The following CRADD variants were observed in gnomAD, a reference collection of about 807,000 sequenced individuals.
CRADD encodes the protein CARD and death domain containing adaptor protein.
CRADD carries 9 observed loss-of-function variants against 15.5 expected under a neutral mutation model. The ratio of observed to expected loss-of-function variants is 0.58; its 90% confidence interval spans 0.35 to 1.01. CRADD has a LOEUF of 1.01. CRADD is among the 50% of genes least tolerant of loss of function. The pLI is 0.02. For missense variants in CRADD, 227 were observed against 250.3 expected (o/e 0.91, Z 0.63); for synonymous variants, 118 against 107.6 (o/e 1.10, Z -0.60).
chr12:93,696,289 G>A (rs1364241172), intron 2 of CRADD, among the ~76,000 whole-genome samples: 1 of 152,190 alleles, frequency 6.6e-6, no homozygotes, highest in Admixed American at 6.5e-5. Flanking sequence ...ACACTTTCAT[G>A]TTCACTGCAG....
At chr12:93,873,872 T>C (rs1958439219) in intron 2 of CRADD, among the ~76,000 whole-genome samples, 1 of 151,710 alleles carries the variant, frequency 6.6e-6, no homozygotes, top group Non-Finnish European at 1.5e-5. Context: ...CTGTAGTTTT[T>C]TGTTTTTCGT....
intron 2 of CRADD, among the ~76,000 whole-genome samples, chr12:93,816,702 T>C (rs1247666327): frequency 6.6e-6 from 1 of 152,158 alleles, no homozygotes; most frequent in Non-Finnish European, 1.5e-5. Flanking sequence ...GTGCAATGGC[T>C]TTCAGCAGTT....
In CRADD at chr12:93,824,143, CTG is replaced by C. The variant is rs1957799060; in HGVS notation, c.299-25824_299-25823del. Among the ~76,000 whole-genome samples, 1 of 152,132 alleles carries C rather than the reference CTG, an allele frequency of 6.6e-6. No individual in the cohort carries two copies. The highest frequency in any genetic ancestry group is 1.5e-5 in the Non-Finnish European group (1 of 68,014). On this transcript the variant is annotated intron_variant, in intron 2 of 2. Transcript: ENST00000332896. The surrounding 1 kb of genome is among the most constrained non-coding windows in gnomAD (Gnocchi z 4.3). Reference sequence around the variant, plus strand: ...GTTTCCTGGAAACTCTCCTTTGAGTCTGTGAGTTTTGGTGTAAGCTCAGTGGC... The same window carrying C: ...GTTTCCTGGAAACTCTCCTTTGAGTCTGAGTTTTGGTGTAAGCTCAGTGGC...
intron 2 of CRADD, among the ~76,000 whole-genome samples, chr12:93,770,354 C>T (rs1333053170): frequency 6.6e-6 from 1 of 152,094 alleles, no homozygotes; most frequent in Admixed American, 6.5e-5. Flanking sequence ...GCCTCGGCCT[C>T]CCAAAGTGCT....
intron 2 of CRADD, among the ~76,000 whole-genome samples, chr12:93,764,513 G>T (rs1565905200): frequency 6.6e-6 from 1 of 151,844 alleles, no homozygotes; most frequent in Non-Finnish European, 1.5e-5. Flanking sequence ...CTTATTGATA[G>T]ATTTTAATAC....
intron 2 of CRADD, among the ~76,000 whole-genome samples, chr12:93,805,048 A>G (rs946937559): frequency 2.0e-5 from 3 of 152,062 alleles, no homozygotes; most frequent in African/African-American, 4.8e-5. Context: ...TATTGTTTTA[A>G]TGACTGTGAT....
chr12:93,878,773 C>T (rs77384804), intron 2 of CRADD, among the ~76,000 whole-genome samples: 1,524 of 152,282 alleles, frequency 0.01, 32 homozygotes, highest in African/African-American at 0.035. Context: ...AACCTGACAG[C>T]ACACTGGGGA....
At chr12:93,734,848 C>T (rs1430295607) in intron 2 of CRADD, among the ~76,000 whole-genome samples, 1 of 152,134 alleles carries the variant, frequency 6.6e-6, no homozygotes, top group Non-Finnish European at 1.5e-5. Flanking sequence ...CTATCTTCAC[C>T]AAGCTAATCC....
At chr12:93,806,951 T>G (rs1282291441) in intron 2 of CRADD, among the ~76,000 whole-genome samples, 1 of 152,154 alleles carries the variant, frequency 6.6e-6, no homozygotes, top group African/African-American at 2.4e-5. Flanking sequence ...TGTCCTGAAC[T>G]CAGAACTACC....
intron 2 of CRADD, among the ~76,000 whole-genome samples, chr12:93,876,820 C>A (rs530400530): frequency 1.3e-5 from 2 of 152,164 alleles, no homozygotes; most frequent in African/African-American, 4.8e-5. Context: ...CAGGATTGGT[C>A]CCTGATGCCT....
intron 2 of CRADD, among the ~76,000 whole-genome samples, chr12:93,862,122 A>G (rs1055881677): frequency 6.6e-6 from 1 of 152,154 alleles, no homozygotes; most frequent in African/African-American, 2.4e-5. Context: ...GCCATGTGGA[A>G]CTGTGAGTAC....
intron 2 of CRADD, among the ~76,000 whole-genome samples, chr12:93,794,449 G>C (rs1052148179): frequency 6.6e-6 from 1 of 152,036 alleles, no homozygotes; most frequent in African/African-American, 2.4e-5. Flanking sequence ...CTGGCTGCTA[G>C]AGCCCCGAAC....
chr12:93,882,018 G>A (rs950640506), intron 2 of CRADD, among the ~76,000 whole-genome samples: 3 of 152,086 alleles, frequency 2.0e-5, no homozygotes, highest in African/African-American at 7.2e-5. Context: ...CAGCTACTTG[G>A]GAGGCTGAGG....
chr12:93,724,861 C>CATT (rs1282917983), intron 2 of CRADD, among the ~76,000 whole-genome samples: 1 of 147,676 alleles, frequency 6.8e-6, no homozygotes, highest in Non-Finnish European at 1.5e-5. Flanking sequence ...TTATTATTAT[C>CATT]ATTATTATTA....
intron 2 of CRADD, among the ~76,000 whole-genome samples, chr12:93,805,086 G>A (rs1161938228): frequency 6.6e-6 from 1 of 151,662 alleles, no homozygotes; most frequent in Non-Finnish European, 1.5e-5. Flanking sequence ...TCTGAGTTAG[G>A]CACCACTTAT....
intron 2 of CRADD, among the ~76,000 whole-genome samples, chr12:93,786,564 G>A (rs577603294): frequency 3.3e-5 from 5 of 152,104 alleles, no homozygotes; most frequent in African/African-American, 4.8e-5. Context: ...AGATGCCAGC[G>A]CTTCTTTATA....
At chr12:93,800,727 A>G (rs773835521) in intron 2 of CRADD, among the ~76,000 whole-genome samples, 1 of 152,136 alleles carries the variant, frequency 6.6e-6, no homozygotes, top group Non-Finnish European at 1.5e-5. Context: ...CTCAGGTAGT[A>G]TCTTTATAGC....
intron 2 of CRADD, among the ~76,000 whole-genome samples, chr12:93,838,667 C>A (rs1958010937): frequency 6.6e-6 from 1 of 151,896 alleles, no homozygotes; most frequent in African/African-American, 2.4e-5. Context: ...CTCTTGTTCC[C>A]CCTCCCTCTC....
chr12:93,849,894 A>C, intron 2 of CRADD, 76 bp from the exon 3 acceptor site: 1 of 885,106 alleles, frequency 1.1e-6, no homozygotes, highest in Non-Finnish European at 1.9e-6. Flanking sequence ...TCTTCTCCCC[A>C]CGATTCTCAT....
Sources: gnomAD v4.1 joint callset for allele counts (sites outside exome capture counted in the v4.1 genomes callset) on GRCh38, gnomAD v4.1.1 for gene constraint, Gnocchi (gnomAD v3.1) non-coding constraint, MANE v1.5 for transcripts, NCBI Gene and HGNC (gene_info 2026-07-23, HGNC 2026-07-21) for gene names.